C1GALT1: variants seen among roughly 807,000 people sequenced by gnomAD.
The protein encoded by C1GALT1 is glycoprotein-N-acetylgalactosamine 3-beta-galactosyltransferase 1.
Under a neutral mutation model 31.0 loss-of-function variants are expected in C1GALT1, and 11 were observed. The ratio of observed to expected loss-of-function variants is 0.36; its 90% CI spans 0.22 to 0.59. C1GALT1 has a LOEUF of 0.59. Ranked by LOEUF, C1GALT1 falls within the 20% of genes least tolerant of loss-of-function variation. The probability of loss-of-function intolerance (pLI) is 0.79; values close to 1 mark genes in which losing one functional copy is unlikely to be tolerated. For missense variants in C1GALT1, 424 were observed against 425.2 expected, an observed-to-expected ratio of 1.00 and a Z score of 0.03; for synonymous variants, 175 against 143.6, an observed-to-expected ratio of 1.22 and a Z score of -1.56.
rs1783450511 is a variant in C1GALT1 at position 7,238,106 on chromosome 7, T to C, written c.221-149T>C. The C allele has an allele frequency of 1.5e-6, 1 of 687,118 alleles. No homozygotes were observed. Among genetic ancestry groups the C allele is most frequent in the Non-Finnish European group, 2.4e-6 (1 of 422,350 alleles). The allele number at this position is 687,118 out of a possible 1,614,324, so 42.6% of individuals were successfully genotyped here. ...AATAAATCAGAGTGTCAGTTCACATTAGGATGAGTTTGCTTTCCTTTGGCT... is the reference window on the plus strand; with the variant it reads ...AATAAATCAGAGTGTCAGTTCACATCAGGATGAGTTTGCTTTCCTTTGGCT... On this transcript the variant is annotated intron_variant, in intron 2 of 3. Transcript: ENST00000436587. This position sits in a 1 kb window ranked among gnomAD's most constrained non-coding sequence, Gnocchi z 5.2.
At chr7:7,161,420 G>C (rs563189611) in intron 2 of C1GALT1, among the ~76,000 whole-genome samples, 19 of 152,082 alleles carry the variant, frequency 1.2e-4, no homozygotes, top group East Asian at 1.9e-4. Context: ...GCCAAAATTT[G>C]TTGCCAAGGG....
chr7:7,243,934 A>G lies in C1GALT1; in HGVS notation c.*207A>G, dbSNP rs1783743496. The G allele has an allele frequency of 5.7e-6, 2 of 353,470 alleles. No homozygotes were observed. Among genetic ancestry groups the G allele is most frequent in the South Asian group, 7.1e-5 (1 of 14,122 alleles). The allele number at this position is 353,470 out of a possible 1,614,324, so 21.9% of individuals were successfully genotyped here. ...TGTGTTTTGATACAGTAATATATAA[A>G]TATGTCTATATATATGAGGAACTTG... On this transcript the variant is annotated 3_prime_UTR_variant, in exon 4 of 4. Coordinates refer to ENST00000436587, the MANE Select transcript of C1GALT1 (RefSeq NM_020156.5).
At chr7:7,187,562 G>A (rs1780876137) in intron 1 of C1GALT1, among the ~76,000 whole-genome samples, 1 of 152,150 alleles carries the variant, frequency 6.6e-6, no homozygotes, top group African/African-American at 2.4e-5. Context: ...ACAACTAGGG[G>A]GAATACTACT....
intron 3 of C1GALT1, among the ~76,000 whole-genome samples, chr7:7,241,574 G>C (rs1490012837): frequency 6.6e-6 from 1 of 151,854 alleles, no homozygotes; most frequent in Non-Finnish European, 1.5e-5. Context: ...CACCTTTTAG[G>C]TCCTTTGGTC....
upstream of C1GALT1, among the ~76,000 whole-genome samples, chr7:7,182,386 T>C (rs1448091888): frequency 1.3e-5 from 2 of 152,182 alleles, no homozygotes; most frequent in Non-Finnish European, 1.5e-5. Flanking sequence ...CAAAATCTAC[T>C]GCTCGTGCAA....
intron 1 of C1GALT1, among the ~76,000 whole-genome samples, chr7:7,193,323 A>G (rs113723509): frequency 0.029 from 4,432 of 152,126 alleles, 126 homozygotes; most frequent in African/African-American, 0.078. Flanking sequence ...TCTTGAGTTC[A>G]TTTTTGTGTA....
At position 7,238,218 on chromosome 7, in the gene C1GALT1, C is replaced by G. The variant is rs759354816; in HGVS notation, c.221-37C>G. The G allele has an allele frequency of 5.4e-5, 80 of 1,483,024 alleles. No homozygotes were observed. Among genetic ancestry groups the G allele is most frequent in the Non-Finnish European group, 7.1e-5 (78 of 1,097,986 alleles). The allele number at this position is 1,483,024 out of a possible 1,614,324, so 91.9% of individuals were successfully genotyped here. A position where few individuals can be genotyped will look rare whatever the true frequency, so the allele number is the denominator to read the frequency against. ...ATTTATTAATATTTGGATTTTACATCTATGTAAATAACCTTTTAAAATGTT... is the reference window on the plus strand; with the variant it reads ...ATTTATTAATATTTGGATTTTACATGTATGTAAATAACCTTTTAAAATGTT... On this transcript the variant is annotated intron_variant, in intron 2 of 3. Transcript: ENST00000436587. The surrounding 1 kb of genome is among the most constrained non-coding windows in gnomAD (Gnocchi z 5.2).
chr7:7,234,201 A>AGCTATAACG (rs1562594063), intron 1 of C1GALT1, 102 bp from the exon 2 acceptor site: 1 of 811,890 alleles, frequency 1.2e-6, no homozygotes, highest in African/African-American at 1.7e-5. Context: ...AAATACTGTT[A>AGCTATAACG]GAAATTAACT....
intron 1 of C1GALT1, among the ~76,000 whole-genome samples, chr7:7,217,820 GCC>G (rs1379059898): frequency 3.3e-5 from 5 of 152,252 alleles, no homozygotes; most frequent in Admixed American, 1.3e-4. Flanking sequence ...ACAGGCATGA[GCC>G]ACTATGCCTG....
At chr7:7,199,593 T>C (rs984894317) in intron 1 of C1GALT1, among the ~76,000 whole-genome samples, 1 of 144,308 alleles carries the variant, frequency 6.9e-6, no homozygotes, top group Non-Finnish European at 1.5e-5. Context: ...TGGATATCCT[T>C]GTTACAACTT....
intron 1 of C1GALT1, among the ~76,000 whole-genome samples, chr7:7,219,991 G>A (rs192221602): frequency 4.4e-4 from 67 of 152,200 alleles, no homozygotes; most frequent in Non-Finnish European, 8.2e-4. Context: ...TCTGATTTGG[G>A]ATATTAAATC....
intron 1 of C1GALT1, among the ~76,000 whole-genome samples, chr7:7,188,896 A>G (rs746364913): frequency 5.9e-5 from 9 of 152,194 alleles, no homozygotes; most frequent in African/African-American, 9.6e-5. Context: ...CTGAACATAC[A>G]TATGTGATGA....
chr7:7,166,160 G>C (rs528320573), intron 2 of C1GALT1, among the ~76,000 whole-genome samples: 1 of 152,260 alleles, frequency 6.6e-6, no homozygotes, highest in South Asian at 2.1e-4. Context: ...CCAAGACTCA[G>C]GGAGAATAAT....
At chr7:7,227,660 C>CA (rs569676164) in intron 1 of C1GALT1, among the ~76,000 whole-genome samples, 82 of 148,646 alleles carry the variant, frequency 5.5e-4, no homozygotes, top group Middle Eastern at 7.1e-3. Context: ...GCGGAGCTTG[C>CA]AGTGAGCCGA....
At chr7:7,217,321 TG>T (rs531804445) in intron 1 of C1GALT1, among the ~76,000 whole-genome samples, 118 of 149,716 alleles carry the variant, frequency 7.9e-4, no homozygotes, top group African/African-American at 2.8e-3. Flanking sequence ...GCTGAGGGGG[TG>T]GGGGGGCTCC....
intron 2 of C1GALT1, among the ~76,000 whole-genome samples, chr7:7,159,623 T>C (rs1008333555): frequency 2.0e-5 from 3 of 152,106 alleles, no homozygotes; most frequent in Non-Finnish European, 4.4e-5. Context: ...ACAGACTAAA[T>C]GAAGGTGTAT....
rs528895594 is a variant in C1GALT1 at position 7,197,622 on chromosome 7, T to C, written c.-18+14802T>C. On this transcript the variant is annotated intron_variant, in intron 1 of 3. Transcript: ENST00000436587. ...ATGGGGATGGCATTGAATCTATAAA[T>C]TACCTTGGGCAGTATGGCCATTTTC... Among the ~76,000 whole-genome samples the C allele has an allele frequency of 2.6e-5, 4 of 152,302 alleles. No individual in the cohort carries two copies. The South Asian group carries it at 8.3e-4, about 32-fold the overall frequency.
intron 1 of C1GALT1, among the ~76,000 whole-genome samples, chr7:7,228,370 A>T (rs1006152483): frequency 2.0e-5 from 3 of 152,196 alleles, no homozygotes; most frequent in African/African-American, 7.2e-5. Flanking sequence ...CTTTTAAAAT[A>T]TCCTCAAGCG....
At chr7:7,223,974 A>C (rs1782633596) in intron 1 of C1GALT1, among the ~76,000 whole-genome samples, 1 of 152,068 alleles carries the variant, frequency 6.6e-6, no homozygotes, top group Non-Finnish European at 1.5e-5. Context: ...ATTTGTCCTG[A>C]ATATTGGATT....
Sources: gnomAD v4.1 joint callset for allele counts (sites outside exome capture counted in the v4.1 genomes callset) on GRCh38, gnomAD v4.1.1 for gene constraint, Gnocchi (gnomAD v3.1) non-coding constraint, MANE v1.5 for transcripts, NCBI Gene and HGNC (gene_info 2026-07-23, HGNC 2026-07-21) for gene names.